AMMECR1: variants seen among roughly 807,000 people sequenced by gnomAD.
AMMECR1 encodes nuclear protein AMMECR1.
AMMECR1 carries 3 observed loss-of-function variants against 22.5 expected under a neutral mutation model. The ratio of observed to expected loss-of-function variants is 0.13; its 90% confidence interval spans 0.06 to 0.35. The LOEUF is 0.35. Ranked by LOEUF, AMMECR1 falls within the 10% of genes least tolerant of loss-of-function variation. AMMECR1 has a pLI of 1.00. For missense variants in AMMECR1, 235 were observed against 278.7 expected (o/e 0.84, Z 1.12); for synonymous variants, 130 against 116.7 (o/e 1.11, Z -0.74).
chrX:110,327,101 C>T (rs1237561273), intron 2 of AMMECR1, among the ~76,000 whole-genome samples: 1 of 111,796 alleles, frequency 8.9e-6, no homozygotes. Context: ...AAGGTGTCCG[C>T]TAAATATGCA....
At chrX:110,403,978 ACTT>A (rs1367764480) in intron 2 of AMMECR1, among the ~76,000 whole-genome samples, 1 of 112,206 alleles carries the variant, frequency 8.9e-6, no homozygotes, top group African/African-American at 3.2e-5. Context: ...TAGCCTGTGA[ACTT>A]CTTCTCCAGT....
intron 2 of AMMECR1, among the ~76,000 whole-genome samples, chrX:110,396,998 C>T: frequency 8.9e-6 from 1 of 111,747 alleles, no homozygotes; most frequent in Non-Finnish European, 1.9e-5. Context: ...TTCCATGTTC[C>T]TGGAGCTGAC....
At chrX:110,254,381 A>G (rs1476372071) in intron 2 of AMMECR1, among the ~76,000 whole-genome samples, 5 of 111,926 alleles carry the variant, frequency 4.5e-5, no homozygotes, top group African/African-American at 1.6e-4. Context: ...AGAATTTAAC[A>G]GCAAATAAAA....
At chrX:110,334,060 A>G (rs920189948) in intron 2 of AMMECR1, among the ~76,000 whole-genome samples, 3 of 111,905 alleles carry the variant, frequency 2.7e-5, no homozygotes, top group African/African-American at 9.8e-5. Flanking sequence ...TCCTTATCAG[A>G]TATAATATTT....
intron 2 of AMMECR1, among the ~76,000 whole-genome samples, chrX:110,366,928 GA>G (rs2068301178): frequency 9.0e-6 from 1 of 110,884 alleles, no homozygotes; most frequent in South Asian, 3.8e-4. Context: ...TCAAACTTCC[GA>G]CACTTGTTTC....
intron 2 of AMMECR1, among the ~76,000 whole-genome samples, chrX:110,341,484 C>T (rs2068163845): frequency 8.9e-6 from 1 of 112,162 alleles, no homozygotes; most frequent in South Asian, 3.7e-4. Context: ...ATAAACAATT[C>T]ATAAGTTTTA....
At chrX:110,216,487 T>C (rs182215988) in intron 3 of AMMECR1, 31 bp downstream of exon 3, 2 of 1,090,010 alleles carry the variant, frequency 1.8e-6, no homozygotes, top group African/African-American at 3.7e-5. Flanking sequence ...GTTACCTTCA[T>C]TTTTCTTTAA....
chrX:110,198,536 T>C lies in AMMECR1; in HGVS notation c.986A>G (p.Tyr329Cys), dbSNP rs1352627936. Reference sequence around the variant, plus strand: ...GGCTCAGTGTCAGGAATAATGGTTGTATGGCGGAAGGGGATGCCCAATGCC... The same window carrying C: ...GGCTCAGTGTCAGGAATAATGGTTGCATGGCGGAAGGGGATGCCCAATGCC... Reference protein sequence around the residue: ...QNGIGHPLPPYNHYS With the variant: ...QNGIGHPLPPCNHYS The change falls in exon 6 of 6, where the codon TAC (tyrosine) becomes TGC (cysteine). Residue 329 changes from tyrosine to cysteine, a missense_variant. Transcript: ENST00000262844. 8.4e-7 allele frequency: 1 copy of C among 1,186,637 alleles called. No homozygotes were observed. Among genetic ancestry groups the C allele is most frequent in the East Asian group, 3.0e-5 (1 of 33,236 alleles).
intron 2 of AMMECR1, among the ~76,000 whole-genome samples, chrX:110,377,356 G>A (rs946363975): frequency 1.8e-5 from 2 of 111,475 alleles, no homozygotes; most frequent in Non-Finnish European, 3.8e-5. Flanking sequence ...CCAGAATAGC[G>A]AAACACCGAT....
chrX:110,306,561 C>T (rs2067996532), intron 1 of AMMECR1, among the ~76,000 whole-genome samples: 1 of 110,280 alleles, frequency 9.1e-6, no homozygotes, highest in African/African-American at 3.3e-5. Flanking sequence ...TGGGTTCAAG[C>T]GATTCTCCTA....
chrX:110,214,489 C>T (rs1019412471), intron 3 of AMMECR1, among the ~76,000 whole-genome samples: 8 of 111,141 alleles, frequency 7.2e-5, no homozygotes, highest in Admixed American at 4.8e-4. Context: ...ACATCCCACT[C>T]TCCTAACAAA....
At chrX:110,268,124 C>A (rs967636813) in intron 1 of AMMECR1, among the ~76,000 whole-genome samples, 2 of 112,166 alleles carry the variant, frequency 1.8e-5, no homozygotes, top group Non-Finnish European at 3.8e-5. Flanking sequence ...TCAGATTTAA[C>A]ATTTCTTTGA....
chrX:110,235,967 A>T (rs1233534258), intron 2 of AMMECR1, among the ~76,000 whole-genome samples: 2 of 112,097 alleles, frequency 1.8e-5, no homozygotes, highest in African/African-American at 6.5e-5. Context: ...ATAATAAAAA[A>T]AAAAGAAAAC....
chrX:110,347,750 T>C (rs1282019856), intron 2 of AMMECR1, among the ~76,000 whole-genome samples: 1 of 112,041 alleles, frequency 8.9e-6, no homozygotes, highest in Non-Finnish European at 1.9e-5. Context: ...TCTGTGGGAG[T>C]TAGGGCCCTG....
intron 2 of AMMECR1, among the ~76,000 whole-genome samples, chrX:110,257,285 T>A (rs777393269): frequency 1.4e-4 from 16 of 111,954 alleles, no homozygotes; most frequent in Non-Finnish European, 3.0e-4. Context: ...TAAAACAAAA[T>A]ATGAATTCAC....
At chrX:110,393,171 A>G (rs1249825047) in intron 2 of AMMECR1, among the ~76,000 whole-genome samples, 3 of 111,465 alleles carry the variant, frequency 2.7e-5, no homozygotes. Context: ...GTCCAACTAC[A>G]TGGGTTCAAA....
intron 2 of AMMECR1, among the ~76,000 whole-genome samples, chrX:110,377,518 C>G (rs1056255023): frequency 2.7e-5 from 3 of 111,870 alleles, no homozygotes; most frequent in Non-Finnish European, 5.6e-5. Context: ...TATTAATTAA[C>G]TTGTAAAAGG....
intron 1 of AMMECR1, among the ~76,000 whole-genome samples, chrX:110,287,376 A>G (rs1379411513): frequency 1.8e-5 from 2 of 112,097 alleles, no homozygotes; most frequent in Non-Finnish European, 3.8e-5. Context: ...TTTCTTCTCC[A>G]ATCCTGGAAA....
At chrX:110,223,119 AT>A (rs775890064) in intron 2 of AMMECR1, among the ~76,000 whole-genome samples, 2 of 111,876 alleles carry the variant, frequency 1.8e-5, no homozygotes, top group African/African-American at 6.5e-5. Flanking sequence ...TCTGAATTTG[AT>A]TTAGTGGAGC....
Sources: allele counts gnomAD v4.1 joint callset (sites outside exome capture counted in the v4.1 genomes callset), GRCh38; gene constraint gnomAD v4.1.1; transcripts MANE v1.5; gene names NCBI Gene and HGNC (gene_info 2026-07-23, HGNC 2026-07-21).